The following KCNH5 variants were observed in gnomAD, a reference collection of about 807,000 sequenced individuals.
KCNH5 encodes voltage-gated delayed rectifier potassium channel KCNH5.
In KCNH5, 46 loss-of-function variants were observed where a neutral mutation model predicts 96.1. That is an observed-to-expected ratio of 0.48 (90% confidence interval 0.38 to 0.61). The LOEUF is 0.61. KCNH5 is among the 20% of genes least tolerant of loss of function. The pLI is 0.00. For synonymous variants in KCNH5, 439 were observed against 449.8 expected, an observed-to-expected ratio of 0.98 and a Z score of 0.30; for missense variants, 907 against 1,225.8, an observed-to-expected ratio of 0.74 and a Z score of 3.88.
At chr14:62,991,161 GTGAA>G (rs1890801850) in intron 4 of KCNH5, among the ~76,000 whole-genome samples, 1 of 152,048 alleles carries the variant, frequency 6.6e-6, no homozygotes, top group African/African-American at 2.4e-5. Flanking sequence ...GTTTTGTTTA[GTGAA>G]TGAATTAATG....
intron 7 of KCNH5, among the ~76,000 whole-genome samples, chr14:62,938,430 G>C (rs897803387): frequency 2.6e-5 from 4 of 152,140 alleles, no homozygotes; most frequent in Non-Finnish European, 5.9e-5. Flanking sequence ...AGTCACTTAG[G>C]AGCTGGCTTA....
chr14:62,931,477 T>G (rs1889580296), intron 7 of KCNH5, among the ~76,000 whole-genome samples: 1 of 152,090 alleles, frequency 6.6e-6, no homozygotes, highest in South Asian at 2.1e-4. Flanking sequence ...GTAAATGGAT[T>G]GCGTAAAGCC....
intron 8 of KCNH5, among the ~76,000 whole-genome samples, chr14:62,809,487 C>T (rs536163544): frequency 6.6e-6 from 1 of 152,128 alleles, no homozygotes; most frequent in South Asian, 2.1e-4. Flanking sequence ...GTCACTTTCT[C>T]ACAGGTCCAG....
chr14:63,002,476 G>A (rs1891028942), intron 3 of KCNH5, among the ~76,000 whole-genome samples: 1 of 152,106 alleles, frequency 6.6e-6, no homozygotes, highest in Admixed American at 6.6e-5. Context: ...GTGCAGTAAA[G>A]CCCCTCCAAA....
chr14:63,016,753 A>G, intron 2 of KCNH5, 78 bp downstream of exon 2: 1 of 1,441,948 alleles, frequency 6.9e-7, no homozygotes, highest in Non-Finnish European at 9.4e-7. Flanking sequence ...TGGGAGTCCA[A>G]GTAAGCTTAA....
rs553078971 is a variant in KCNH5, at chr14:62,741,529, C to A, written c.2020-33074G>T. Among the ~76,000 whole-genome samples, 3 of 152,178 alleles carry A rather than the reference C, an allele frequency of 2.0e-5. No homozygotes were observed. The East Asian group carries it at 5.8e-4, about 29-fold the overall frequency. ...CATCTTTACTGGGATCTTGCAGTGG[C>A]TGACGTTTGGTCCCCTCCCCCAACC... On this transcript the variant is annotated intron_variant, in intron 10 of 10. Coordinates refer to ENST00000322893, the MANE Select transcript of KCNH5 (RefSeq NM_139318.5).
chr14:62,817,434 T>G (rs1488609612), intron 8 of KCNH5, among the ~76,000 whole-genome samples: 3 of 148,934 alleles, frequency 2.0e-5, no homozygotes, highest in African/African-American at 7.4e-5. Flanking sequence ...GCATATTTGC[T>G]CAGGAAGAAG....
chr14:62,864,299 T>G (rs1440209935), intron 7 of KCNH5, among the ~76,000 whole-genome samples: 1 of 152,216 alleles, frequency 6.6e-6, no homozygotes, highest in East Asian at 1.9e-4. Flanking sequence ...ACTATAATTC[T>G]CTGTAAAGAG....
chr14:62,907,772 C>T (rs1214851911), intron 7 of KCNH5, among the ~76,000 whole-genome samples: 2 of 152,194 alleles, frequency 1.3e-5, no homozygotes, highest in Non-Finnish European at 2.9e-5. Flanking sequence ...CTCATGTGGC[C>T]TGGCTGGAGC....
intron 7 of KCNH5, among the ~76,000 whole-genome samples, chr14:62,894,174 T>A (rs1042252540): frequency 6.6e-6 from 1 of 152,202 alleles, no homozygotes; most frequent in African/African-American, 2.4e-5. Context: ...AAACAAAAAA[T>A]TATGAGAGAC....
chr14:62,827,401 G>A (rs1887249174), intron 8 of KCNH5, among the ~76,000 whole-genome samples: 1 of 152,120 alleles, frequency 6.6e-6, no homozygotes. Flanking sequence ...AACAAAGTCT[G>A]CTTGCAATTC....
intron 7 of KCNH5, among the ~76,000 whole-genome samples, chr14:62,936,358 G>A (rs1425803038): frequency 6.6e-6 from 1 of 152,132 alleles, no homozygotes; most frequent in African/African-American, 2.4e-5. Context: ...AGTAGAGAGA[G>A]AGAGAGATGG....
intron 7 of KCNH5, among the ~76,000 whole-genome samples, chr14:62,888,084 A>G (rs1226993735): frequency 6.6e-6 from 1 of 152,224 alleles, no homozygotes; most frequent in Admixed American, 6.5e-5. Context: ...CTAATTCCCA[A>G]TCAAGACTGA....
intron 7 of KCNH5, among the ~76,000 whole-genome samples, chr14:62,884,717 T>TA (rs1295608685): frequency 1.3e-5 from 2 of 152,126 alleles, no homozygotes; most frequent in Non-Finnish European, 2.9e-5. Flanking sequence ...TGCCAGCTGT[T>TA]AAAAAAAGAA....
chr14:62,870,655 C>T (rs1045919378), intron 7 of KCNH5, among the ~76,000 whole-genome samples: 4 of 151,970 alleles, frequency 2.6e-5, no homozygotes, highest in African/African-American at 9.7e-5. Context: ...TGCATGGAAA[C>T]CTTTAACCAC....
intron 7 of KCNH5, 196 bp downstream of exon 7, chr14:62,949,937 C>A (rs923065210): frequency 1.9e-6 from 1 of 538,408 alleles, no homozygotes; most frequent in Admixed American, 3.2e-5. Context: ...GTTTTTCACA[C>A]ATTATTATGT....
chr14:62,980,945 T>G lies in KCNH5; in HGVS notation c.869A>C (p.Lys290Thr), dbSNP rs1490953577. The G allele has an allele frequency of 6.2e-7, 1 of 1,613,992 alleles. No homozygotes were observed. The highest frequency in any genetic ancestry group is 8.5e-7 in the Non-Finnish European group (1 of 1,180,028). ...DPKLIRMNYL[K>T]TWFVIDLLSC... ...CAGCAGATCGATCACAAACCAAGTTTTCAGATAGTTCATCCTTATGAGCTT... is the reference window on the plus strand; with the variant it reads ...CAGCAGATCGATCACAAACCAAGTTGTCAGATAGTTCATCCTTATGAGCTT... Residue 290 changes from lysine (K) to threonine (T), a missense_variant, in exon 6 of 11, where the codon AAA (lysine) becomes ACA (threonine). Lys to Thr is a moderately conservative substitution (Grantham distance 78). Transcript: ENST00000322893.
intron 10 of KCNH5, among the ~76,000 whole-genome samples, chr14:62,747,422 A>AT (rs1885400914): frequency 6.6e-6 from 1 of 152,112 alleles, no homozygotes. Flanking sequence ...GCTCTTTGCC[A>AT]TTTTTCCCAA....
At chr14:62,951,293 A>G (rs980837500) in intron 6 of KCNH5, among the ~76,000 whole-genome samples, 15 of 152,248 alleles carry the variant, frequency 9.9e-5, no homozygotes, top group Non-Finnish European at 4.4e-5. Context: ...ATAACAAATA[A>G]GGGATTATCC....
Sources: allele counts gnomAD v4.1 joint callset (sites outside exome capture counted in the v4.1 genomes callset), GRCh38; gene constraint gnomAD v4.1.1; transcripts MANE v1.5; gene names NCBI Gene and HGNC (gene_info 2026-07-23, HGNC 2026-07-21).